HHAT: variants seen among roughly 807,000 people sequenced by gnomAD.
HHAT encodes hedgehog acyltransferase, also known as protein-cysteine N-palmitoyltransferase HHAT.
Under a neutral mutation model 70.8 loss-of-function variants are expected in HHAT, and 47 were observed. That is an observed-to-expected ratio of 0.66 (90% CI 0.53 to 0.85). The LOEUF is 0.85. Among genes scored for constraint, HHAT ranks in the 40% least tolerant of loss-of-function variants. HHAT has a pLI of 0.00. For missense variants in HHAT, 609 were observed against 604.8 expected (o/e 1.01, Z -0.07); for synonymous variants, 228 against 247.6 (o/e 0.92, Z 0.74).
chr1:210,433,199 G>A (rs781714593), intron 7 of HHAT, among the ~76,000 whole-genome samples: 7 of 151,644 alleles, frequency 4.6e-5, no homozygotes, highest in Non-Finnish European at 8.8e-5. Context: ...TTAGAGATGC[G>A]CCTATACCAC....
At chr1:210,429,494 T>G (rs779412890) in intron 7 of HHAT, among the ~76,000 whole-genome samples, 2 of 151,894 alleles carry the variant, frequency 1.3e-5, no homozygotes, top group Admixed American at 6.5e-5. Context: ...ATTTGACTTT[T>G]TAAAATTGCG....
At chr1:210,609,385 T>C (rs1263645746) in intron 10 of HHAT, among the ~76,000 whole-genome samples, 2 of 148,070 alleles carry the variant, frequency 1.4e-5, no homozygotes, top group African/African-American at 2.4e-5. Context: ...ATAAAAACTT[T>C]TGGTTTGAAT....
chr1:210,453,901 G>A (rs1290824579), intron 7 of HHAT, among the ~76,000 whole-genome samples: 2 of 152,160 alleles, frequency 1.3e-5, no homozygotes, highest in Admixed American at 6.5e-5. Context: ...ACCCGAAACT[G>A]GCAATAAAAA....
rs2094990256 is a variant in HHAT at position 210,513,186 on chromosome 1, C to T, written c.1041C>T (p.Ile347=). The change falls in exon 9 of 12, where the codon ATC becomes ATT. Residue 347 remains isoleucine (I), a splice_region_variant and synonymous_variant. Coordinates refer to ENST00000261458, the MANE Select transcript of HHAT (RefSeq NM_018194.6). ...YFDVGLHNFL[I]RYVYIPVGGS... Reference sequence around the variant, plus strand: ...ATGTTGGACTGCATAATTTCTTAATCAGGTAAGCCAATAATTTTTATTTTA... The same window carrying T: ...ATGTTGGACTGCATAATTTCTTAATTAGGTAAGCCAATAATTTTTATTTTA... The T allele has an allele frequency of 2.7e-6, 4 of 1,480,462 alleles. No individual in the cohort carries two copies. The South Asian group carries it at 4.7e-5, about 17-fold the overall frequency. 91.7% of individuals were successfully genotyped at this position (1,480,462 alleles called of 1,614,324 possible). A position where few individuals can be genotyped will look rare whatever the true frequency, so the allele number is the denominator to read the frequency against.
chr1:210,623,435 C>T lies in HHAT; in HGVS notation c.1246-91C>T, dbSNP rs949087882. 6 of 1,470,878 alleles carry T rather than the reference C, an allele frequency of 4.1e-6. No individual in the cohort carries two copies. The Admixed American group carries it at 8.6e-5, about 21-fold the overall frequency. 91.1% of individuals were successfully genotyped at this position (1,470,878 alleles called of 1,614,324 possible). A position where few individuals can be genotyped will look rare whatever the true frequency, so the allele number is the denominator to read the frequency against. On this transcript the variant is annotated intron_variant, in intron 10 of 11. Coordinates refer to ENST00000261458, the MANE Select transcript of HHAT (RefSeq NM_018194.6). Reference sequence around the variant, plus strand: ...TGGTTTGGGCTCTGTGGGGAGGCGTCCTGGGCTGGTGACAGAGAAAGCTGG... The same window carrying T: ...TGGTTTGGGCTCTGTGGGGAGGCGTTCTGGGCTGGTGACAGAGAAAGCTGG...
chr1:210,400,736 T>C (rs1161012516), intron 5 of HHAT, 74 bp downstream of exon 5: 1 of 1,375,704 alleles, frequency 7.3e-7, no homozygotes. Context: ...AGTAGACACC[T>C]TGGTTTTCAG....
intron 9 of HHAT, among the ~76,000 whole-genome samples, chr1:210,519,481 G>A (rs892485860): frequency 6.7e-6 from 1 of 149,686 alleles, no homozygotes; most frequent in Non-Finnish European, 1.5e-5. Context: ...AGTGTGCAAT[G>A]TAAAGAGTTC....
intron 11 of HHAT, among the ~76,000 whole-genome samples, chr1:210,625,579 G>A (rs934412907): frequency 1.3e-5 from 2 of 152,170 alleles, no homozygotes; most frequent in African/African-American, 4.8e-5. Context: ...ACAGAAGATG[G>A]GCTTTTCAGA....
intron 1 of HHAT, among the ~76,000 whole-genome samples, chr1:210,345,347 T>G (rs1345772319): frequency 6.6e-6 from 1 of 152,122 alleles, no homozygotes; most frequent in Admixed American, 6.5e-5. Context: ...TACAAATGCA[T>G]GACAAAAAAA....
At chr1:210,601,937 C>CACAGAGAG (rs1553293934) in intron 10 of HHAT, among the ~76,000 whole-genome samples, 1 of 147,220 alleles carries the variant, frequency 6.8e-6, no homozygotes, top group Non-Finnish European at 1.5e-5. Flanking sequence ...ATTTGAGACT[C>CACAGAGAG]AGAGAGAGAG....
At chr1:210,529,754 C>T (rs1319476007) in intron 9 of HHAT, among the ~76,000 whole-genome samples, 1 of 152,186 alleles carries the variant, frequency 6.6e-6, no homozygotes, top group Non-Finnish European at 1.5e-5. Context: ...TTCTGCACCA[C>T]AGGCGTCTGC....
At chr1:210,447,579 C>G (rs2148382887) in intron 7 of HHAT, among the ~76,000 whole-genome samples, 1 of 152,328 alleles carries the variant, frequency 6.6e-6, no homozygotes, top group East Asian at 1.9e-4. Context: ...CCCAGTCAAG[C>G]ATTGGCTGAG....
intron 7 of HHAT, among the ~76,000 whole-genome samples, chr1:210,437,470 C>G (rs557956623): frequency 6.6e-6 from 1 of 151,746 alleles, no homozygotes; most frequent in Non-Finnish European, 1.5e-5. Context: ...CAGCCTGATA[C>G]CAGAATATGG....
intron 8 of HHAT, among the ~76,000 whole-genome samples, chr1:210,491,513 T>C (rs2094551797): frequency 6.6e-6 from 1 of 152,112 alleles, no homozygotes; most frequent in African/African-American, 2.4e-5. Flanking sequence ...GGGCAAGTTA[T>C]TATTTCTTTG....
chr1:210,492,166 C>G (rs2094562589), intron 8 of HHAT, among the ~76,000 whole-genome samples: 1 of 152,154 alleles, frequency 6.6e-6, no homozygotes, highest in Admixed American at 6.5e-5. Context: ...CCCACTAACT[C>G]TTTCTTAACC....
intron 11 of HHAT, chr1:210,631,108 A>G (rs1050615819): frequency 2.0e-5 from 9 of 456,442 alleles, no homozygotes; most frequent in Middle Eastern, 3.2e-4. Context: ...TTTGTTCCCA[A>G]CTATTTTTCC....
chr1:210,585,879 C>T (rs765391055), intron 9 of HHAT, among the ~76,000 whole-genome samples: 3 of 152,126 alleles, frequency 2.0e-5, no homozygotes, highest in Non-Finnish European at 2.9e-5. Flanking sequence ...CCAGGGTGAT[C>T]AGACACCAAG....
intron 8 of HHAT, among the ~76,000 whole-genome samples, chr1:210,487,698 A>G (rs900097582): frequency 4.6e-5 from 7 of 152,240 alleles, no homozygotes; most frequent in African/African-American, 1.4e-4. Flanking sequence ...CAGCCAACAT[A>G]GGAAATGTTC....
At chr1:210,414,619 A>C (rs1282633916) in intron 6 of HHAT, among the ~76,000 whole-genome samples, 1 of 152,216 alleles carries the variant, frequency 6.6e-6, no homozygotes, top group African/African-American at 2.4e-5. Flanking sequence ...TTGGAGAAGC[A>C]GGATGAAGAA....
Sources: allele counts gnomAD v4.1 joint callset (sites outside exome capture counted in the v4.1 genomes callset), GRCh38; gene constraint gnomAD v4.1.1; transcripts MANE v1.5; gene names NCBI Gene and HGNC (gene_info 2026-07-23, HGNC 2026-07-21).